Variants in ARHGAP39 observed in about 807,000 individuals in gnomAD.
ARHGAP39 encodes the protein rho GTPase-activating protein 39.
In ARHGAP39, 44 loss-of-function variants were observed where a neutral mutation model predicts 106.9. The ratio of observed to expected loss-of-function variants is 0.41; its 90% confidence interval spans 0.32 to 0.53. The LOEUF (loss-of-function observed/expected upper bound fraction) is 0.53. Among genes scored for constraint, ARHGAP39 ranks in the 20% least tolerant of loss-of-function variants. The pLI is 0.21. For missense variants in ARHGAP39, 1,496 were observed against 1,577.3 expected, an observed-to-expected ratio of 0.95 and a Z score of 0.87; for synonymous variants, 768 against 693.2, an observed-to-expected ratio of 1.11 and a Z score of -1.69.
chr8:144,687,824 T>C (rs1822658149), upstream of ARHGAP39, among the ~76,000 whole-genome samples: 1 of 140,416 alleles, frequency 7.1e-6, no homozygotes, highest in African/African-American at 2.8e-5. Context: ...GGTGAGCACT[T>C]CCCACCCCCG....
intron 3 of ARHGAP39, among the ~76,000 whole-genome samples, chr8:144,571,769 G>A (rs1220527956): frequency 6.6e-6 from 1 of 152,192 alleles, no homozygotes; most frequent in Non-Finnish European, 1.5e-5. Flanking sequence ...ATCTCCTTAA[G>A]CTGATAAGCA....
chr8:144,663,417 C>G (rs559230080), intron 1 of ARHGAP39, among the ~76,000 whole-genome samples: 1 of 152,182 alleles, frequency 6.6e-6, no homozygotes, highest in Non-Finnish European at 1.5e-5. Flanking sequence ...AGAGACAGCT[C>G]TCAAGGGAAC....
intron 1 of ARHGAP39, among the ~76,000 whole-genome samples, chr8:144,666,857 C>A (rs181027604): frequency 6.6e-6 from 1 of 152,216 alleles, no homozygotes; most frequent in East Asian, 1.9e-4. Context: ...GTGTTCAAAG[C>A]GACCCAAACA....
At chr8:144,616,454 G>T (rs1385730489) in intron 1 of ARHGAP39, among the ~76,000 whole-genome samples, 3 of 152,230 alleles carry the variant, frequency 2.0e-5, no homozygotes, top group Non-Finnish European at 4.4e-5. Context: ...GCACTACAAG[G>T]GTCAGACCCC....
intron 3 of ARHGAP39, among the ~76,000 whole-genome samples, chr8:144,576,735 G>A (rs534868233): frequency 2.6e-5 from 4 of 152,220 alleles, no homozygotes; most frequent in Admixed American, 2.6e-4. Context: ...GAAGCCGGAG[G>A]TTCCAGCGCA....
chr8:144,666,243 C>T (rs776705934), intron 1 of ARHGAP39, among the ~76,000 whole-genome samples: 14 of 152,296 alleles, frequency 9.2e-5, no homozygotes, highest in Admixed American at 2.6e-4. Flanking sequence ...GGAATTAACT[C>T]GCTTGCTTTT....
chr8:144,601,718 C>T (rs1221076000), intron 2 of ARHGAP39, among the ~76,000 whole-genome samples: 3 of 125,176 alleles, frequency 2.4e-5, no homozygotes, highest in Non-Finnish European at 3.2e-5. Context: ...TGTGTGAGCT[C>T]ATGTACCTGT....
Position 144,545,595 on chromosome 8 carries a change from C to G in ARHGAP39, c.2175G>C (p.Glu725Asp). ...TCACGATCATGGGCTTCTTGATGGA[C>G]TCGCTGCTCCAGGCCAGCATGTTGG... The part of the protein sequence containing the change: ...SIANMLAWSS[E>D]SIKKPMIVTS... Residue 725 changes from glutamate to aspartate, a missense_variant, in exon 6 of 12, where the codon GAG becomes GAC. This residue lies in a region of ARHGAP39 where 470 missense variants were observed against 605.1 expected (regional missense o/e 0.78). Coordinates refer to ENST00000377307, the MANE Select transcript of ARHGAP39 (RefSeq NM_025251.3). The G allele has an allele frequency of 6.2e-7, 1 of 1,613,786 alleles. No homozygotes were observed. The highest frequency in any genetic ancestry group is 8.5e-7 in the Non-Finnish European group (1 of 1,180,016).
chr8:144,648,880 A>G (rs757800841), intron 1 of ARHGAP39, among the ~76,000 whole-genome samples: 4 of 152,212 alleles, frequency 2.6e-5, no homozygotes, highest in Non-Finnish European at 5.9e-5. Context: ...TCATAGCACT[A>G]AATGCCCACA....
intron 1 of ARHGAP39, among the ~76,000 whole-genome samples, chr8:144,627,250 A>AC (rs1387872383): frequency 2.6e-5 from 4 of 152,198 alleles, no homozygotes; most frequent in Non-Finnish European, 5.9e-5. Context: ...CTTCCAGGCC[A>AC]CAATGCAAGA....
rs577522710 is a variant in ARHGAP39, at chr8:144,570,443, C to G, written c.512+10403G>C. Among the ~76,000 whole-genome samples, 19 of 152,200 alleles carry G rather than the reference C, an allele frequency of 1.2e-4. No individual in the cohort carries two copies. The South Asian group carries it at 3.9e-3, about 32-fold the overall frequency. On this transcript the variant is annotated intron_variant, in intron 3 of 11. Transcript: ENST00000377307. ...ATGGAAAAAGGAGGCAAATTCTAACCAAAGAGAAACAATGGCACCACAAAC... is the reference window on the plus strand; with the variant it reads ...ATGGAAAAAGGAGGCAAATTCTAACGAAAGAGAAACAATGGCACCACAAAC...
intron 1 of ARHGAP39, among the ~76,000 whole-genome samples, chr8:144,664,208 T>C (rs1821904367): frequency 6.6e-6 from 1 of 152,044 alleles, no homozygotes; most frequent in Non-Finnish European, 1.5e-5. Flanking sequence ...ATAAAAACTA[T>C]TTCCAGATTC....
chr8:144,675,191 A>T (rs1313597137), intron 1 of ARHGAP39, among the ~76,000 whole-genome samples: 3 of 152,026 alleles, frequency 2.0e-5, no homozygotes, highest in African/African-American at 7.2e-5. Context: ...CAGACAAGCC[A>T]CCAATGCCAT....
chr8:144,617,965 A>G (rs986449623), intron 1 of ARHGAP39, among the ~76,000 whole-genome samples: 1 of 151,726 alleles, frequency 6.6e-6, no homozygotes, highest in Admixed American at 6.6e-5. Flanking sequence ...TATTTTTTCT[A>G]GAGATGGGGT....
chr8:144,579,201 CAAAAAAAAA>C (rs541332282), intron 3 of ARHGAP39, among the ~76,000 whole-genome samples: 29 of 39,910 alleles, frequency 7.3e-4, no homozygotes, highest in Non-Finnish European at 1.0e-4. Flanking sequence ...GACTCTGTCT[CAAAAAAAAA>C]AAAAAAAAAA....
At chr8:144,544,939 C>T (rs903044427) in intron 6 of ARHGAP39, among the ~76,000 whole-genome samples, 4 of 152,246 alleles carry the variant, frequency 2.6e-5, no homozygotes, top group African/African-American at 7.2e-5. Context: ...TCGGCGTCTT[C>T]GTGCCTGCCC....
intron 3 of ARHGAP39, among the ~76,000 whole-genome samples, chr8:144,561,820 C>T (rs1818179994): frequency 1.4e-5 from 2 of 138,476 alleles, no homozygotes; most frequent in African/African-American, 5.8e-5. Context: ...TCCATCACAT[C>T]CCAGTGGTTT....
At chr8:144,566,291 G>A (rs1391273783) in intron 3 of ARHGAP39, among the ~76,000 whole-genome samples, 2 of 152,090 alleles carry the variant, frequency 1.3e-5, no homozygotes, top group African/African-American at 2.4e-5. Context: ...AGAGCCAGGT[G>A]TGGTGGCTCA....
At chr8:144,614,835 A>G (rs945442221) in intron 1 of ARHGAP39, among the ~76,000 whole-genome samples, 1 of 152,154 alleles carries the variant, frequency 6.6e-6, no homozygotes, top group Non-Finnish European at 1.5e-5. Flanking sequence ...TGCTGGCAAC[A>G]GGCACTCTTC....
Sources: gnomAD v4.1 joint callset for allele counts (sites outside exome capture counted in the v4.1 genomes callset) on GRCh38, gnomAD v4.1.1 for gene constraint, gnomAD v4.1.1 regional missense constraint, MANE v1.5 for transcripts, NCBI Gene and HGNC (gene_info 2026-07-23, HGNC 2026-07-21) for gene names.